SULF2: variants seen among roughly 807,000 people sequenced by gnomAD.
SULF2 encodes extracellular sulfatase Sulf-2.
Under a neutral mutation model 107.7 loss-of-function variants are expected in SULF2, and 52 were observed. The ratio of observed to expected loss-of-function variants is 0.48; its 90% CI spans 0.39 to 0.61. The LOEUF (loss-of-function observed/expected upper bound fraction) is 0.61. SULF2 is among the 20% of genes least tolerant of loss of function. The pLI is 0.00. For missense variants in SULF2, 993 were observed against 1,177.3 expected (o/e 0.84, Z 2.29); for synonymous variants, 460 against 464.3 (o/e 0.99, Z 0.12).
intron 1 of SULF2, among the ~76,000 whole-genome samples, chr20:47,781,809 G>C (rs796894351): frequency 1.3e-5 from 2 of 152,256 alleles, no homozygotes; most frequent in African/African-American, 2.4e-5. Flanking sequence ...GCTGGGCAGG[G>C]AGCCAGGCAG....
intron 3 of SULF2, among the ~76,000 whole-genome samples, chr20:47,736,045 G>A (rs1364718219): frequency 6.6e-6 from 1 of 152,130 alleles, no homozygotes; most frequent in Admixed American, 6.5e-5. Context: ...GAGTCTGGAG[G>A]GTTTTGCAAT....
At chr20:47,660,585 T>G (rs1234141192) in intron 18 of SULF2, among the ~76,000 whole-genome samples, 1 of 152,128 alleles carries the variant, frequency 6.6e-6, no homozygotes, top group Non-Finnish European at 1.5e-5. Flanking sequence ...ATTTTTCTTT[T>G]AGCTTTGTTT....
rs2088315541 is a variant in SULF2, at chr20:47,694,685, T to G, written c.568-4390A>C. Among the ~76,000 whole-genome samples, 1 of 152,162 alleles carries G rather than the reference T, an allele frequency of 6.6e-6. No homozygotes were observed. The highest frequency in any genetic ancestry group is 1.5e-5 in the Non-Finnish European group (1 of 68,036). ...CCACAAGCTTCACCGACTGAGTAGC[T>G]AGTGTCTGCGGAGACTGCCAGCCTC... On this transcript the variant is annotated intron_variant, in intron 4 of 20. Coordinates refer to ENST00000688720, the MANE Select transcript of SULF2 (RefSeq NM_001387048.1). The surrounding 1 kb of genome is among the most constrained non-coding windows in gnomAD (Gnocchi z 4.4).
chr20:47,778,563 G>A (rs1432657760), intron 1 of SULF2, among the ~76,000 whole-genome samples: 1 of 152,198 alleles, frequency 6.6e-6, no homozygotes, highest in African/African-American at 2.4e-5. Context: ...TGGAGGAGAA[G>A]CTCTGAAGGC....
chr20:47,671,389 C>G (rs2087465312), intron 11 of SULF2, among the ~76,000 whole-genome samples: 1 of 152,204 alleles, frequency 6.6e-6, no homozygotes, highest in Non-Finnish European at 1.5e-5. Flanking sequence ...TATCTGCAAC[C>G]TCTGCTCCCG....
At chr20:47,766,015 G>A (rs2090521485) in intron 1 of SULF2, among the ~76,000 whole-genome samples, 1 of 152,244 alleles carries the variant, frequency 6.6e-6, no homozygotes, top group South Asian at 2.1e-4. Flanking sequence ...TGGATGGCCA[G>A]TGAAGAGGAG....
chr20:47,699,339 G>T, intron 4 of SULF2, among the ~76,000 whole-genome samples: 1 of 151,938 alleles, frequency 6.6e-6, no homozygotes, highest in East Asian at 1.9e-4. Context: ...GGAACCAAAT[G>T]TGACTAGTCC....
In SULF2 at chr20:47,665,869, G is replaced by A; in HGVS notation, c.1890C>T (p.His630=). ...SLQAWKDHKL[H]IDHEIETLQN... is the part of the protein sequence containing the mutation. ...GCTCTCCACTCACCTCGTGGTCGAT[G>A]TGCAGCTTGTGGTCTTTCCAGGCCT... Residue 630 remains histidine, a synonymous_variant, in exon 13 of 21, where the codon CAC becomes CAT. Coordinates refer to ENST00000688720, the MANE Select transcript of SULF2 (RefSeq NM_001387048.1). 6.2e-7 allele frequency: 1 copy of A among 1,613,938 alleles called. No individual in the cohort carries two copies. Among genetic ancestry groups the A allele is most frequent in the Non-Finnish European group, 8.5e-7 (1 of 1,179,918 alleles).
At chr20:47,757,836 G>C (rs1011261671) in intron 1 of SULF2, among the ~76,000 whole-genome samples, 4 of 152,160 alleles carry the variant, frequency 2.6e-5, no homozygotes, top group Non-Finnish European at 5.9e-5. Context: ...GTCTCAAGGG[G>C]TGAATATTTG....
At chr20:47,723,022 G>A (rs1278774386) in intron 3 of SULF2, among the ~76,000 whole-genome samples, 15 of 151,894 alleles carry the variant, frequency 9.9e-5, no homozygotes, top group African/African-American at 3.1e-4. Context: ...AACCAAGATC[G>A]TGGCACAGCA....
At chr20:47,772,338 T>C (rs1455123738) in intron 1 of SULF2, among the ~76,000 whole-genome samples, 1 of 152,210 alleles carries the variant, frequency 6.6e-6, no homozygotes, top group Non-Finnish European at 1.5e-5. Flanking sequence ...CCTACCCCAG[T>C]TGTGACAATC....
intron 1 of SULF2, among the ~76,000 whole-genome samples, chr20:47,767,908 C>CA (rs11483856): frequency 0.054 from 7,564 of 140,012 alleles, 240 homozygotes; most frequent in Middle Eastern, 0.1. Flanking sequence ...GACTCTGTCT[C>CA]AAAAAAAAAA....
chr20:47,746,954 T>C (rs2090048703), intron 2 of SULF2, among the ~76,000 whole-genome samples: 1 of 145,108 alleles, frequency 6.9e-6, no homozygotes. Flanking sequence ...CTGCACGTTG[T>C]GCACATGTAC....
chr20:47,746,767 T>C (rs1017678831), intron 2 of SULF2, among the ~76,000 whole-genome samples: 4 of 150,294 alleles, frequency 2.7e-5, no homozygotes, highest in East Asian at 2.0e-4. Flanking sequence ...TTCTCACTCA[T>C]AGGTGGGAAT....
chr20:47,745,382 GAAAA>G lies in SULF2; in HGVS notation c.176-8444_176-8441del, dbSNP rs1158560282. The stretch of plus-strand genomic sequence containing the variant: ...CTCAGGGTTGTTCTGAGTTTTGAGG[GAAAA>G]AAAAAAAAAAAAAAAAAAAAAAAAA... On this transcript the variant is annotated intron_variant, in intron 2 of 20. Transcript: ENST00000688720. 5.2e-3 allele frequency among the ~76,000 whole-genome samples: 268 copies of G among 51,892 alleles called. 1 individual carries two copies. The highest frequency in any genetic ancestry group is 8.4e-3 in the Non-Finnish European group (201 of 23,844). 34.0% of individuals were successfully genotyped at this position (51,892 alleles called of 152,430 possible).
chr20:47,742,272 C>T (rs563780787), intron 2 of SULF2, among the ~76,000 whole-genome samples: 2 of 152,340 alleles, frequency 1.3e-5, no homozygotes, highest in Non-Finnish European at 2.9e-5. Context: ...AGGGAAGGAC[C>T]TGAACGACAC....
chr20:47,777,264 A>T (rs1426819562), intron 1 of SULF2, among the ~76,000 whole-genome samples: 1 of 152,186 alleles, frequency 6.6e-6, no homozygotes, highest in African/African-American at 2.4e-5. Flanking sequence ...TTTAGAGGTG[A>T]GTGCAAAACC....
rs201191775 is a variant in SULF2, at chr20:47,684,423, G to A, written c.888+8C>T. On this transcript the variant is annotated splice_region_variant and intron_variant, in intron 6 of 20. Coordinates refer to ENST00000688720, the MANE Select transcript of SULF2 (RefSeq NM_001387048.1). Reference sequence around the variant, plus strand: ...ACGCCCACCAAGAGGCATGCAGCGGGCGCCTACCGTCTCCATGGAGTCGTC... The same window carrying A: ...ACGCCCACCAAGAGGCATGCAGCGGACGCCTACCGTCTCCATGGAGTCGTC... 929 of 1,605,076 alleles carry A rather than the reference G, an allele frequency of 5.8e-4. 2 individuals are homozygous for A. In the African/African-American group the frequency reaches 9.9e-3, roughly 17 times the overall value.
rs2087714899 is a variant in SULF2, at chr20:47,678,299, A to T, written c.1193+377T>A. 6.0e-6 allele frequency: 1 copy of T among 167,902 alleles called. No homozygotes were observed. 10.4% of individuals were successfully genotyped at this position (167,902 alleles called of 1,614,324 possible). A position where few individuals can be genotyped will look rare whatever the true frequency, so the allele number is the denominator to read the frequency against. ...TAAAATGGGGATGATGATAATGTCCACCTCGCTGGGTTACTGTGAGGATCA... is the reference window on the plus strand; with the variant it reads ...TAAAATGGGGATGATGATAATGTCCTCCTCGCTGGGTTACTGTGAGGATCA... On this transcript the variant is annotated intron_variant, in intron 8 of 20. Transcript: ENST00000688720. This position sits in a 1 kb window ranked among gnomAD's most constrained non-coding sequence, Gnocchi z 4.5.
Sources: gnomAD v4.1 joint callset for allele counts (sites outside exome capture counted in the v4.1 genomes callset) on GRCh38, gnomAD v4.1.1 for gene constraint, Gnocchi (gnomAD v3.1) non-coding constraint, MANE v1.5 for transcripts, NCBI Gene and HGNC (gene_info 2026-07-23, HGNC 2026-07-21) for gene names.